The following PRELID2 variants were observed in gnomAD, a reference collection of about 807,000 sequenced individuals.
PRELID2 encodes the protein PRELI domain containing 2, also known as PRELI domain-containing protein 2.
PRELID2 carries 25 observed loss-of-function variants against 28.4 expected under a neutral mutation model. The ratio of observed to expected loss-of-function variants is 0.88; its 90% CI spans 0.64 to 1.23. The LOEUF is 1.23. PRELID2 is among the 50% of genes most tolerant of loss of function. The pLI is 0.00. For missense variants in PRELID2, 201 were observed against 214.4 expected (o/e 0.94, Z 0.39); for synonymous variants, 76 against 71.6 (o/e 1.06, Z -0.31).
chr5:145,299,099 G>A, the PRELID2 span, among the ~76,000 whole-genome samples: 141 of 152,072 alleles, frequency 9.3e-4, no homozygotes, highest in African/African-American at 3.3e-3. Context: ...TCATCACCTA[G>A]CTTCAATAAT....
the PRELID2 span, among the ~76,000 whole-genome samples, chr5:145,331,642 T>C: frequency 1.3e-5 from 2 of 152,124 alleles, no homozygotes; most frequent in Non-Finnish European, 2.9e-5. Flanking sequence ...CCTCCATCCT[T>C]TTTTTTGAGC....
At chr5:145,486,279 G>T (rs1028445150) in intron 1 of PRELID2, among the ~76,000 whole-genome samples, 8 of 152,148 alleles carry the variant, frequency 5.3e-5, no homozygotes, top group African/African-American at 1.9e-4. Flanking sequence ...GTTATAGTTT[G>T]CATGGGGGTC....
intron 1 of PRELID2, among the ~76,000 whole-genome samples, chr5:145,704,819 CAG>C (rs1561550526): frequency 6.6e-6 from 1 of 152,126 alleles, no homozygotes; most frequent in Non-Finnish European, 1.5e-5. Context: ...ACCAGTAAAA[CAG>C]AGAATTGGGC....
the PRELID2 span, among the ~76,000 whole-genome samples, chr5:145,286,006 C>G: frequency 6.6e-6 from 1 of 152,162 alleles, no homozygotes; most frequent in Admixed American, 6.5e-5. Flanking sequence ...TTTGACTTCT[C>G]AGTCCCAGCA....
intron 1 of PRELID2, among the ~76,000 whole-genome samples, chr5:145,555,006 T>C (rs1038335318): frequency 1.3e-5 from 2 of 152,250 alleles, no homozygotes; most frequent in Non-Finnish European, 1.5e-5. Flanking sequence ...CAAAGCTTAT[T>C]TCCAAAGTTA....
At chr5:145,298,393 G>T in the PRELID2 span, among the ~76,000 whole-genome samples, 1 of 152,096 alleles carries the variant, frequency 6.6e-6, no homozygotes, top group Admixed American at 6.6e-5. Context: ...TTAATAAATG[G>T]TGCTGGGAAA....
At chr5:145,286,182 A>C in the PRELID2 span, among the ~76,000 whole-genome samples, 1 of 152,168 alleles carries the variant, frequency 6.6e-6, no homozygotes, top group Non-Finnish European at 1.5e-5. Context: ...TATTATTAGC[A>C]CTGTCTTAAG....
At chr5:145,592,644 T>G (rs1185353894) in intron 1 of PRELID2, among the ~76,000 whole-genome samples, 3 of 152,136 alleles carry the variant, frequency 2.0e-5, no homozygotes, top group African/African-American at 7.2e-5. Flanking sequence ...ATCATAAAAT[T>G]TTTGGAATTG....
At chr5:145,479,568 G>T (rs1752137412) in intron 1 of PRELID2, among the ~76,000 whole-genome samples, 1 of 152,160 alleles carries the variant, frequency 6.6e-6, no homozygotes, top group Non-Finnish European at 1.5e-5. Context: ...AGTACCCTGA[G>T]TTCAGACACA....
At chr5:145,829,145 C>T (rs1363189403) in intron 1 of PRELID2, among the ~76,000 whole-genome samples, 1 of 152,034 alleles carries the variant, frequency 6.6e-6, no homozygotes, top group Non-Finnish European at 1.5e-5. Context: ...AAGTGATCAA[C>T]CCAACTAGGC....
the PRELID2 span, among the ~76,000 whole-genome samples, chr5:145,416,052 TG>T: frequency 6.6e-6 from 1 of 152,120 alleles, no homozygotes; most frequent in Non-Finnish European, 1.5e-5. Context: ...CATTTTTTCA[TG>T]TGTCTTTTGG....
intron 1 of PRELID2, chr5:145,729,082 T>C (rs1405658257): frequency 8.4e-6 from 5 of 597,036 alleles, no homozygotes; most frequent in Non-Finnish European, 1.5e-5. Context: ...AAGCAGAATG[T>C]TTGCTTTCAC....
At chr5:145,489,381 T>C (rs920241404) in intron 1 of PRELID2, among the ~76,000 whole-genome samples, 6 of 152,190 alleles carry the variant, frequency 3.9e-5, no homozygotes, top group Admixed American at 3.9e-4. Context: ...AGTAATACTG[T>C]TAATATTAAA....
the PRELID2 span, among the ~76,000 whole-genome samples, chr5:145,237,006 C>T: frequency 1.1e-4 from 17 of 152,256 alleles, no homozygotes; most frequent in African/African-American, 4.1e-4. Context: ...GTGCTTTCAC[C>T]AGAAGAATGT....
chr5:145,515,473 A>G (rs1299865378), intron 1 of PRELID2, among the ~76,000 whole-genome samples: 1 of 152,174 alleles, frequency 6.6e-6, no homozygotes, highest in Non-Finnish European at 1.5e-5. Context: ...TAAAACAATG[A>G]CAAGTTCTGA....
intron 1 of PRELID2, among the ~76,000 whole-genome samples, chr5:145,652,260 A>G (rs555796739): frequency 6.6e-6 from 1 of 152,344 alleles, no homozygotes; most frequent in Non-Finnish European, 1.5e-5. Context: ...ATGTGAAAAG[A>G]CCAAATCTAT....
chr5:145,471,756 G>A (rs546752731), downstream of PRELID2: 5 of 151,976 alleles, frequency 3.3e-5, no homozygotes, highest in Middle Eastern at 3.2e-3. Context: ...AAGGAAATAC[G>A]TTAAAAACTG....
At chr5:145,667,197 G>C (rs541449180) in intron 1 of PRELID2, among the ~76,000 whole-genome samples, 1 of 152,094 alleles carries the variant, frequency 6.6e-6, no homozygotes, top group East Asian at 1.9e-4. Context: ...CCTTTGAGTG[G>C]GTTATAATAC....
the PRELID2 span, among the ~76,000 whole-genome samples, chr5:145,397,077 C>A: frequency 6.6e-6 from 1 of 152,044 alleles, no homozygotes; most frequent in Non-Finnish European, 1.5e-5. Context: ...TACCACTAAG[C>A]CCAGAGCACC....
Sources: gnomAD v4.1 joint callset for allele counts (sites outside exome capture counted in the v4.1 genomes callset) on GRCh38, gnomAD v4.1.1 for gene constraint, MANE v1.5 for transcripts, NCBI Gene and HGNC (gene_info 2026-07-23, HGNC 2026-07-21) for gene names.